ZBTB17: variants seen among roughly 807,000 people sequenced by gnomAD.
The protein encoded by ZBTB17 is zinc finger and BTB domain-containing protein 17.
In ZBTB17, 24 loss-of-function variants were observed where a neutral mutation model predicts 85.1. The observed-to-expected ratio is 0.28, with a 90% CI of 0.20 to 0.40. The LOEUF is 0.40. Among genes scored for constraint, ZBTB17 ranks in the 10% least tolerant of loss-of-function variants. The pLI, the probability that ZBTB17 is intolerant of heterozygous loss-of-function variation, is 1.00. For synonymous variants in ZBTB17, 464 were observed against 460.2 expected (o/e 1.01, Z -0.11); for missense variants, 743 against 1,105.1 (o/e 0.67, Z 4.65).
rs780445797 is a variant in ZBTB17 at position 15,945,241 on chromosome 1, TCTGC to T, written c.662-43_662-40del. On this transcript the variant is annotated intron_variant, in intron 6 of 15. Coordinates refer to ENST00000375743, the MANE Select transcript of ZBTB17 (RefSeq NM_003443.3). Reference sequence around the variant, plus strand: ...GGCAAGCATGGAGGCGGCAGCCCTCTCTGCCTGAGCGCACGTGAGGGGCGCCGGC... The same window carrying T: ...GGCAAGCATGGAGGCGGCAGCCCTCTCTGAGCGCACGTGAGGGGCGCCGGC... 4.5e-6 allele frequency: 7 copies of T among 1,545,064 alleles called. No individual in the cohort carries two copies. In the African/African-American group the frequency reaches 9.6e-5, roughly 21 times the overall value.
intron 2 of ZBTB17, among the ~76,000 whole-genome samples, chr1:15,960,714 G>A (rs848196): frequency 0.11 from 16,128 of 152,260 alleles, 1,229 homozygotes; most frequent in Admixed American, 0.23. Flanking sequence ...AGGAAGGGCC[G>A]GATGGCCCAT....
intron 3 of ZBTB17, among the ~76,000 whole-genome samples, chr1:15,947,822 G>A (rs1260403618): frequency 6.6e-6 from 1 of 152,158 alleles, no homozygotes; most frequent in African/African-American, 2.4e-5. Context: ...GGCATGTCAC[G>A]TCAGTCTGGG....
intron 1 of ZBTB17, among the ~76,000 whole-genome samples, chr1:15,974,202 AC>A (rs371779171): frequency 0.23 from 33,278 of 143,126 alleles, 3,963 homozygotes; most frequent in Non-Finnish European, 0.27. Flanking sequence ...AAAAAAAAAA[AC>A]AAAAACAAAA....
At chr1:15,943,364 T>G in intron 12 of ZBTB17, 35 bp downstream of exon 12, 3 of 1,580,718 alleles carry the variant, frequency 1.9e-6, no homozygotes, top group Non-Finnish European at 1.7e-6. Flanking sequence ...CACTGTGGGG[T>G]GTCTGGCCAG....
rs766254401 is a variant in ZBTB17, at chr1:15,945,216, G to A, written c.662-14C>T. ...CCACCTCCATTTCTGCGGAGAAAAG[G>A]GCAAGCATGGAGGCGGCAGCCCTCT... On this transcript the variant is annotated splice_polypyrimidine_tract_variant and intron_variant, in intron 6 of 15. Transcript: ENST00000375743. 1 of 1,550,098 alleles carries A rather than the reference G, an allele frequency of 6.5e-7. No individual in the cohort carries two copies. The highest frequency in any genetic ancestry group is 1.2e-5 in the South Asian group (1 of 84,082).
chr1:15,943,473 C>T lies in ZBTB17; in HGVS notation c.1623G>A (p.Gln541=), dbSNP rs2071446183. The stretch of plus-strand genomic sequence containing the variant: ...GCACGTGGGCGATGAGGGAGCTGGC[C>T]TGGGTGAAGGCCTTACCGCACATCA... ...QCVMCGKAFT[Q]ASSLIAHVRQ... Residue 541 remains glutamine (Q), a synonymous_variant, in exon 12 of 16, where the codon CAG becomes CAA. Coordinates refer to ENST00000375743, the MANE Select transcript of ZBTB17 (RefSeq NM_003443.3). 1.2e-6 allele frequency: 2 copies of T among 1,611,508 alleles called. No homozygotes were observed. Among genetic ancestry groups the T allele is most frequent in the Middle Eastern group, 1.7e-4 (1 of 6,046 alleles).
At chr1:15,959,628 G>A (rs2072184429) in intron 2 of ZBTB17, among the ~76,000 whole-genome samples, 1 of 149,904 alleles carries the variant, frequency 6.7e-6, no homozygotes. Context: ...GGAGGAGAGG[G>A]AGGAGAGGAA....
In ZBTB17 at chr1:15,944,776, C is replaced by G; in HGVS notation, c.991G>C (p.Glu331Gln). 1 of 1,612,706 alleles carries G rather than the reference C, an allele frequency of 6.2e-7. No individual in the cohort carries two copies. The stretch of plus-strand genomic sequence containing the variant: ...CACTCCCGGCACGAGAAGGGCTTCT[C>G]CCCCGTGTGGATGCGGATGTGCCGC... ...FKRHIRIHTG[E>Q]KPFSCRECSK... Residue 331 changes from glutamate to glutamine, a missense_variant, in exon 8 of 16, where the codon GAG becomes CAG. By Grantham distance (29) the Glu-to-Gln change is conservative. Coordinates refer to ENST00000375743, the MANE Select transcript of ZBTB17 (RefSeq NM_003443.3).
In ZBTB17 at chr1:15,945,734, C is replaced by A; in HGVS notation, c.642G>T (p.Leu214Phe). ...GGCTACCTTGCTCCGAGCTCTCGGACAAAGCGGCCTCAGCTTCTGCAGCAG... is the reference window on the plus strand; with the variant it reads ...GGCTACCTTGCTCCGAGCTCTCGGAAAAAGCGGCCTCAGCTTCTGCAGCAG... ...GMAAAEAEAA[L>F]SESSEQEMEV... Residue 214 changes from leucine to phenylalanine, a missense_variant, in exon 6 of 16, where the codon TTG (leucine) becomes TTT (phenylalanine). Around this residue, in one of 4 missense-constraint regions of ZBTB17, gnomAD observed 279 missense variants for 269.9 expected, o/e 1.03. Transcript: ENST00000375743. The A allele has an allele frequency of 6.2e-7, 1 of 1,607,258 alleles. No individual in the cohort carries two copies. The highest frequency in any genetic ancestry group is 8.5e-7 in the Non-Finnish European group (1 of 1,179,846).
chr1:15,943,618 C>T lies in ZBTB17; in HGVS notation c.1557G>A (p.Arg519=). Reference sequence around the variant, plus strand: ...ACCCACCTGTGTGAATGCGGACGTGCCGCTGCAGAGCGCCGGGGTCTGCAA... The same window carrying T: ...ACCCACCTGTGTGAATGCGGACGTGTCGCTGCAGAGCGCCGGGGTCTGCAA... ...RQFADPGALQ[R]HVRIHTGEKP... The change falls in exon 11 of 16, where the codon CGG becomes CGA. Residue 519 remains arginine (R), a synonymous_variant. Coordinates refer to ENST00000375743, the MANE Select transcript of ZBTB17 (RefSeq NM_003443.3). 1 of 1,612,920 alleles carries T rather than the reference C, an allele frequency of 6.2e-7. No homozygotes were observed. The highest frequency in any genetic ancestry group is 8.5e-7 in the Non-Finnish European group (1 of 1,179,956).
chr1:15,971,102 ACCT>A (rs2072633040), intron 2 of ZBTB17, among the ~76,000 whole-genome samples: 3 of 152,004 alleles, frequency 2.0e-5, no homozygotes, highest in Admixed American at 1.3e-4. Flanking sequence ...GGCTGGCCTC[ACCT>A]CCTGAGAAAT....
At position 15,941,896 on chromosome 1, in the gene ZBTB17, TA is replaced by T; in HGVS notation, c.*72del. On this transcript the variant is annotated 3_prime_UTR_variant, in exon 16 of 16. Transcript: ENST00000375743. ...AGAAAATAATCCAATTTATTCTCTC[TA>T]GGGAACAGGCCACCCTTCCCGGTTC... is the stretch of plus-strand genomic sequence containing the variant. 6.6e-7 allele frequency: 1 copy of T among 1,524,518 alleles called. No homozygotes were observed. Among genetic ancestry groups the T allele is most frequent in the Non-Finnish European group, 8.8e-7 (1 of 1,136,708 alleles). 94.4% of individuals were successfully genotyped at this position (1,524,518 alleles called of 1,614,324 possible).
In ZBTB17 at chr1:15,943,458, G is replaced by C. The variant is rs779693297; in HGVS notation, c.1638C>G (p.Ile546Met). Residue 546 changes from isoleucine (I) to methionine (M), a missense_variant, in exon 12 of 16, where the codon ATC becomes ATG. By Grantham distance (10) the Ile-to-Met change is conservative (BLOSUM62 1). Coordinates refer to ENST00000375743, the MANE Select transcript of ZBTB17 (RefSeq NM_003443.3). ...GKAFTQASSL[I>M]AHVRQHTGEK... ...CCCCGGTGTGCTGGCGCACGTGGGC[G>C]ATGAGGGAGCTGGCCTGGGTGAAGG... The C allele has an allele frequency of 6.2e-7, 1 of 1,611,166 alleles. No individual in the cohort carries two copies. Among genetic ancestry groups the C allele is most frequent in the Non-Finnish European group, 8.5e-7 (1 of 1,178,440 alleles).
At chr1:15,972,859 CA>C (rs1213990802) in intron 2 of ZBTB17, among the ~76,000 whole-genome samples, 179 bp downstream of exon 2, 2 of 152,168 alleles carry the variant, frequency 1.3e-5, no homozygotes, top group African/African-American at 4.8e-5. Context: ...CCTCTCTCTG[CA>C]GGTAAAACAA....
Position 15,944,980 on chromosome 1 carries a change from C to T in ZBTB17, c.884G>A (p.Arg295His). Residue 295 changes from arginine (R) to histidine (H), a missense_variant, in exon 7 of 16, where the codon CGC becomes CAC. Arg to His is a conservative substitution (Grantham distance 29, BLOSUM62 0). Coordinates refer to ENST00000375743, the MANE Select transcript of ZBTB17 (RefSeq NM_003443.3). ...RGLRSGTYGD[R>H]TESKAYGSVI... ...GGAGCCGTAGGCCTTGGACTCCGTGCGGTCGCCGTAGGTGCCTGAGCGCAG... is the reference window on the plus strand; with the variant it reads ...GGAGCCGTAGGCCTTGGACTCCGTGTGGTCGCCGTAGGTGCCTGAGCGCAG... 4 of 1,583,768 alleles carry T rather than the reference C, an allele frequency of 2.5e-6. No homozygotes were observed. Among genetic ancestry groups the T allele is most frequent in the Non-Finnish European group, 1.7e-6 (2 of 1,168,092 alleles).
intron 6 of ZBTB17, 83 bp downstream of exon 6, chr1:15,945,630 GGA>G: frequency 6.4e-7 from 1 of 1,562,640 alleles, no homozygotes; most frequent in African/African-American, 1.3e-5. Flanking sequence ...GGAGGCAGGA[GGA>G]GAGGGAGGCC....
intron 11 of ZBTB17, 28 bp downstream of exon 11, chr1:15,943,571 G>A: frequency 6.2e-7 from 1 of 1,612,792 alleles, no homozygotes; most frequent in Non-Finnish European, 8.5e-7. Context: ...TGCCCTCCCA[G>A]TCCTGGGCAT....
At chr1:15,943,040 G>A (rs1292230981) in intron 13 of ZBTB17, 24 bp downstream of exon 13, 2 of 1,613,686 alleles carry the variant, frequency 1.2e-6, no homozygotes, top group Non-Finnish European at 1.7e-6. Flanking sequence ...GGAAGGAACA[G>A]GCATGGTAGG....
chr1:15,957,363 G>T (rs1430918432), intron 2 of ZBTB17, among the ~76,000 whole-genome samples: 1 of 124,922 alleles, frequency 8.0e-6, no homozygotes, highest in Admixed American at 7.3e-5. Context: ...ACAGGGGCCG[G>T]TGTGTGTGGA....
Sources: allele counts gnomAD v4.1 joint callset (sites outside exome capture counted in the v4.1 genomes callset), GRCh38; gene constraint gnomAD v4.1.1; regional missense constraint gnomAD v4.1.1; transcripts MANE v1.5; gene names NCBI Gene and HGNC (gene_info 2026-07-23, HGNC 2026-07-21).